The following CTNNA3 variants were observed in gnomAD, a reference collection of about 807,000 sequenced individuals.
CTNNA3 encodes the protein catenin alpha 3, also known as catenin alpha-3.
Under a neutral mutation model 95.7 loss-of-function variants are expected in CTNNA3, and 76 were observed. That is an observed-to-expected ratio of 0.79 (90% CI 0.66 to 0.96). The LOEUF is 0.96. CTNNA3 is among the 40% of genes least tolerant of loss of function. CTNNA3 has a pLI of 0.00. For synonymous variants in CTNNA3, 431 were observed against 374.4 expected (o/e 1.15, Z -1.74); for missense variants, 1,191 against 1,089.8 (o/e 1.09, Z -1.31).
intron 13 of CTNNA3, among the ~76,000 whole-genome samples, chr10:66,137,126 A>G (rs2083396968): frequency 6.6e-6 from 1 of 152,078 alleles, no homozygotes; most frequent in South Asian, 2.1e-4. Flanking sequence ...ACATAATTTA[A>G]TGTTTAATAA....
At chr10:67,296,149 G>A (rs527742939) in intron 5 of CTNNA3, among the ~76,000 whole-genome samples, 2 of 152,286 alleles carry the variant, frequency 1.3e-5, no homozygotes, top group South Asian at 4.1e-4. Context: ...TCAGCAAAGA[G>A]GTTTCTGGAG....
chr10:66,024,084 C>CTTTT (rs1183185763), intron 15 of CTNNA3, among the ~76,000 whole-genome samples: 1 of 62,684 alleles, frequency 1.6e-5, no homozygotes, highest in African/African-American at 5.2e-5. Flanking sequence ...ATACCATACA[C>CTTTT]ATTTTTTTTT....
At position 66,712,270 on chromosome 10, in the gene CTNNA3, T is replaced by A. The variant is rs568659446; in HGVS notation, c.1281+53994A>T. Among the ~76,000 whole-genome samples the A allele has an allele frequency of 3.9e-5, 6 of 152,234 alleles. No individual in the cohort carries two copies. The South Asian group carries it at 1.2e-3, about 32-fold the overall frequency. On this transcript the variant is annotated intron_variant, in intron 9 of 17. Coordinates refer to ENST00000433211, the MANE Select transcript of CTNNA3 (RefSeq NM_013266.4). ...ACAGGGAATATCCAAAAATATGTAC[T>A]TCAAAATTATATCAGTTATTTCCCC...
intron 5 of CTNNA3, among the ~76,000 whole-genome samples, chr10:67,500,722 G>A (rs992057401): frequency 3.3e-5 from 5 of 152,144 alleles, no homozygotes; most frequent in African/African-American, 7.2e-5. Context: ...GTTTAAAGTC[G>A]GTTTTATCAG....
intron 7 of CTNNA3, among the ~76,000 whole-genome samples, chr10:67,048,865 TCTC>T (rs1160989421): frequency 1.4e-4 from 21 of 152,220 alleles, no homozygotes; most frequent in African/African-American, 4.6e-4. Flanking sequence ...CTAAAGCTGT[TCTC>T]CTCCTTTTTA....
rs759971447 is a variant in CTNNA3, at chr10:67,133,701, G to A, written c.1047+46616C>T. Among the ~76,000 whole-genome samples the A allele has an allele frequency of 1.2e-4, 19 of 152,120 alleles. No individual in the cohort carries two copies. The Middle Eastern group carries it at 0.01, about 82-fold the overall frequency. Reference sequence around the variant, plus strand: ...ATCAACTCAAAGAATAAGAAGGTACGTCTTGGAGTTTAAGATTTCAGAGAC... The same window carrying A: ...ATCAACTCAAAGAATAAGAAGGTACATCTTGGAGTTTAAGATTTCAGAGAC... On this transcript the variant is annotated intron_variant, in intron 7 of 17. Transcript: ENST00000433211.
intron 7 of CTNNA3, among the ~76,000 whole-genome samples, chr10:67,041,134 A>G (rs1256004410): frequency 6.6e-6 from 1 of 152,154 alleles, no homozygotes; most frequent in African/African-American, 2.4e-5. Context: ...CTCACTGAGA[A>G]CTAGGGAATT....
chr10:66,049,053 C>A (rs1019366384), intron 15 of CTNNA3, among the ~76,000 whole-genome samples: 1 of 151,970 alleles, frequency 6.6e-6, no homozygotes, highest in Admixed American at 6.6e-5. Flanking sequence ...TGACAAAGGT[C>A]CAATATCCAG....
intron 9 of CTNNA3, among the ~76,000 whole-genome samples, chr10:66,630,592 A>T (rs7077038): frequency 1.3e-5 from 2 of 151,940 alleles, no homozygotes; most frequent in South Asian, 2.1e-4. Context: ...TAACTTCCAT[A>T]GACAAATCCA....
intron 14 of CTNNA3, among the ~76,000 whole-genome samples, chr10:66,094,184 T>C (rs899259429): frequency 2.0e-5 from 3 of 151,772 alleles, no homozygotes; most frequent in African/African-American, 7.3e-5. Context: ...AGCGTAGGAA[T>C]TGTGTTTCTC....
At chr10:67,322,239 T>C (rs977176358) in intron 5 of CTNNA3, among the ~76,000 whole-genome samples, 2 of 152,188 alleles carry the variant, frequency 1.3e-5, no homozygotes, top group Admixed American at 6.5e-5. Flanking sequence ...ATAACTTTTA[T>C]TTTAAGTTCA....
chr10:66,108,416 AC>A (rs935778540), intron 13 of CTNNA3, among the ~76,000 whole-genome samples: 49 of 151,370 alleles, frequency 3.2e-4, no homozygotes, highest in African/African-American at 1.1e-3. Context: ...CTTTCTATTT[AC>A]CCCTTCTTGC....
intron 11 of CTNNA3, among the ~76,000 whole-genome samples, chr10:66,511,115 TTTTATAC>T (rs940234696): frequency 1.9e-4 from 29 of 151,818 alleles, no homozygotes; most frequent in Non-Finnish European, 8.9e-5. Flanking sequence ...AATCTTGGTA[TTTTATAC>T]TTGTGTCTAG....
intron 10 of CTNNA3, among the ~76,000 whole-genome samples, chr10:66,541,953 C>T (rs1841868505): frequency 1.3e-5 from 2 of 152,020 alleles, no homozygotes; most frequent in African/African-American, 4.8e-5. Flanking sequence ...GAACAGGCAA[C>T]CTACAAAATG....
chr10:66,477,761 C>T (rs755206466), intron 11 of CTNNA3, among the ~76,000 whole-genome samples: 17 of 152,002 alleles, frequency 1.1e-4, no homozygotes, highest in Admixed American at 3.3e-4. Flanking sequence ...ATCACAAATA[C>T]TCACATAAAA....
chr10:66,278,329 G>T (rs1471765555), intron 13 of CTNNA3, among the ~76,000 whole-genome samples: 3 of 151,514 alleles, frequency 2.0e-5, no homozygotes, highest in Non-Finnish European at 4.4e-5. Flanking sequence ...CATTGGACAG[G>T]CACTAATTTG....
intron 13 of CTNNA3, among the ~76,000 whole-genome samples, chr10:66,133,054 ATT>A (rs545534320): frequency 1.0e-3 from 152 of 152,224 alleles, no homozygotes; most frequent in African/African-American, 3.4e-3. Flanking sequence ...CTAAAATAAC[ATT>A]TTTTTAAAAC....
chr10:66,205,391 C>T (rs2131931809), intron 13 of CTNNA3, among the ~76,000 whole-genome samples: 1 of 152,016 alleles, frequency 6.6e-6, no homozygotes. Context: ...TGAGAACTTG[C>T]TGTACTATAT....
At chr10:67,322,527 C>A (rs965954972) in intron 5 of CTNNA3, among the ~76,000 whole-genome samples, 1 of 152,194 alleles carries the variant, frequency 6.6e-6, no homozygotes, top group Non-Finnish European at 1.5e-5. Flanking sequence ...GCCTCCAGCT[C>A]TATCCATGTT....
Sources: gnomAD v4.1 joint callset for allele counts (sites outside exome capture counted in the v4.1 genomes callset) on GRCh38, gnomAD v4.1.1 for gene constraint, MANE v1.5 for transcripts, NCBI Gene and HGNC (gene_info 2026-07-23, HGNC 2026-07-21) for gene names.